The following ACCSL variants were observed in gnomAD, a reference collection of about 807,000 sequenced individuals.
ACCSL encodes the protein probable inactive 1-aminocyclopropane-1-carboxylate synthase-like protein 2.
A neutral mutation model predicts 61.7 loss-of-function variants in ACCSL; 55 were observed. The ratio of observed to expected loss-of-function variants is 0.89; its 90% CI spans 0.72 to 1.12. The LOEUF is 1.12. Ranked by LOEUF, ACCSL falls within the 50% of genes most tolerant of loss-of-function variation. The probability of loss-of-function intolerance (pLI) is 0.00; values close to 1 mark genes in which losing one functional copy is unlikely to be tolerated. For synonymous variants in ACCSL, 258 were observed against 264.3 expected, an observed-to-expected ratio of 0.98 and a Z score of 0.23; for missense variants, 632 against 698.0, an observed-to-expected ratio of 0.91 and a Z score of 1.07.
the ACCSL span, among the ~76,000 whole-genome samples, chr11:44,033,394 C>A: frequency 6.6e-6 from 1 of 152,168 alleles, no homozygotes; most frequent in African/African-American, 2.4e-5. Flanking sequence ...GAGAAAGGAA[C>A]TTCTTAGGGA....
chr11:44,000,758 AAAAT>A, the ACCSL span, among the ~76,000 whole-genome samples: 9 of 151,728 alleles, frequency 5.9e-5, no homozygotes, highest in Non-Finnish European at 8.8e-5. Flanking sequence ...AGAAAATTGT[AAAAT>A]AAATAAAGAA....
upstream of ACCSL, among the ~76,000 whole-genome samples, chr11:44,043,315 A>T (rs973097309): frequency 2.6e-5 from 4 of 152,084 alleles, no homozygotes; most frequent in African/African-American, 7.2e-5. Context: ...GGCAACCACT[A>T]GTCTGAGGAA....
chr11:43,934,604 C>T, the ACCSL span, among the ~76,000 whole-genome samples: 1 of 152,168 alleles, frequency 6.6e-6, no homozygotes, highest in African/African-American at 2.4e-5. Flanking sequence ...ACTCTGAGAC[C>T]CACTCTAGGG....
chr11:43,952,944 A>T, the ACCSL span, among the ~76,000 whole-genome samples: 1 of 152,204 alleles, frequency 6.6e-6, no homozygotes, highest in Non-Finnish European at 1.5e-5. Flanking sequence ...TGCCAGAGCG[A>T]GGTCCTCATC....
chr11:43,922,701 T>TTTA, the ACCSL span, among the ~76,000 whole-genome samples: 1 of 152,184 alleles, frequency 6.6e-6, no homozygotes, highest in South Asian at 2.1e-4. Context: ...ATATGAAACT[T>TTTA]TTAGAGACAG....
chr11:43,942,834 C>T, the ACCSL span: 1 of 1,109,636 alleles, frequency 9.0e-7, no homozygotes, highest in African/African-American at 1.7e-5. Context: ...TCCCGGGGGG[C>T]CCCGGCGCAG....
At chr11:43,933,513 G>A in the ACCSL span, 4 of 178,308 alleles carry the variant, frequency 2.2e-5, no homozygotes, top group Non-Finnish European at 3.6e-5. Context: ...AGTCAGAGGG[G>A]TGAAACTACT....
chr11:43,938,906 G>A, the ACCSL span, among the ~76,000 whole-genome samples: 15 of 152,298 alleles, frequency 9.8e-5, no homozygotes, highest in East Asian at 5.8e-4. Context: ...CCACAGGGGC[G>A]ATTTCTTTGT....
chr11:44,019,991 A>G, the ACCSL span, among the ~76,000 whole-genome samples: 1 of 152,192 alleles, frequency 6.6e-6, no homozygotes, highest in African/African-American at 2.4e-5. Context: ...TCTCAGCATT[A>G]TTTGTTGGAA....
intron 11 of ACCSL, among the ~76,000 whole-genome samples, chr11:44,057,511 TG>T (rs1317100981): frequency 4.6e-5 from 7 of 152,204 alleles, no homozygotes. Context: ...TACTGACGTG[TG>T]TTCCATCTTC....
chr11:43,954,938 G>A, the ACCSL span, among the ~76,000 whole-genome samples: 93 of 152,274 alleles, frequency 6.1e-4, no homozygotes, highest in African/African-American at 2.1e-3. Flanking sequence ...GGAGCCTCCA[G>A]CTGCCGGCAT....
chr11:44,005,909 C>T, the ACCSL span, among the ~76,000 whole-genome samples: 1 of 152,188 alleles, frequency 6.6e-6, no homozygotes, highest in African/African-American at 2.4e-5. Context: ...GATTTGGACC[C>T]AGGTGTAAAC....
At chr11:44,044,312 T>A, upstream of ACCSL, among the ~76,000 whole-genome samples, 1 of 152,142 alleles carries the variant, frequency 6.6e-6, no homozygotes, top group East Asian at 1.9e-4. Flanking sequence ...AAGGTACTTA[T>A]CTTCACTGGG....
chr11:43,980,280 A>C, the ACCSL span, among the ~76,000 whole-genome samples: 3 of 152,184 alleles, frequency 2.0e-5, no homozygotes, highest in Non-Finnish European at 4.4e-5. Context: ...ACCTAAACCC[A>C]AAAAAATGTG....
chr11:44,048,093 C>G lies in ACCSL; in HGVS notation c.57C>G (p.Val19=). Reference sequence around the variant, plus strand: ...CCTCTGGTCAGAGGAGAGGCCGGGTCCCCAGAGACCACAGCATCTATACCC... The same window carrying G: ...CCTCTGGTCAGAGGAGAGGCCGGGTGCCCAGAGACCACAGCATCTATACCC... ...PVPSGQRRGR[V]PRDHSIYTQL... The change falls in exon 1 of 14, where the codon GTC becomes GTG. Residue 19 remains valine (V), a synonymous_variant. Coordinates refer to ENST00000378832, the MANE Select transcript of ACCSL (RefSeq NM_001031854.2). 6.2e-7 allele frequency: 1 copy of G among 1,614,130 alleles called. No homozygotes were observed. The highest frequency in any genetic ancestry group is 1.1e-5 in the South Asian group (1 of 91,082).
At position 44,051,724 on chromosome 11, in the gene ACCSL, GTCAGTGGGCTCTCCTT is replaced by G. The variant is rs1469035466; in HGVS notation, c.772+9_772+24del. 1.2e-6 allele frequency: 2 copies of G among 1,614,116 alleles called. No individual in the cohort carries two copies. Among genetic ancestry groups the G allele is most frequent in the South Asian group, 2.2e-5 (2 of 91,084 alleles). ...TGGTTCTGTGTGATCCAGGCGGTAA[GTCAGTGGGCTCTCCTT>G]TCACTCTCAGTGAAATACTAGCAAC... On this transcript the variant is annotated splice_donor_region_variant and intron_variant, in intron 5 of 13. Coordinates refer to ENST00000378832, the MANE Select transcript of ACCSL (RefSeq NM_001031854.2).
the ACCSL span, among the ~76,000 whole-genome samples, chr11:43,955,730 A>G: frequency 6.6e-6 from 1 of 152,122 alleles, no homozygotes; most frequent in Non-Finnish European, 1.5e-5. Context: ...TAGTGACATT[A>G]TCTGCAGGAG....
chr11:43,942,931 G>T, the ACCSL span: 1 of 1,432,032 alleles, frequency 7.0e-7, no homozygotes, highest in South Asian at 1.4e-5. Flanking sequence ...GCGAGCTGAT[G>T]GGCATCTGCT....
the ACCSL span, among the ~76,000 whole-genome samples, chr11:44,041,075 C>G: frequency 6.6e-6 from 1 of 152,186 alleles, no homozygotes; most frequent in East Asian, 1.9e-4. Context: ...GGAACCTAGA[C>G]CAGAGCCTGA....
Sources: gnomAD v4.1 joint callset for allele counts (sites outside exome capture counted in the v4.1 genomes callset) on GRCh38, gnomAD v4.1.1 for gene constraint, MANE v1.5 for transcripts, NCBI Gene and HGNC (gene_info 2026-07-23, HGNC 2026-07-21) for gene names.